TMEM120B: variants seen among roughly 807,000 people sequenced by gnomAD.
TMEM120B encodes the protein transmembrane protein 120B.
TMEM120B carries 31 observed loss-of-function variants against 55.5 expected under a neutral mutation model. The observed-to-expected ratio is 0.56, with a 90% confidence interval of 0.42 to 0.75. The LOEUF is 0.75. TMEM120B is among the 30% of genes least tolerant of loss of function. TMEM120B has a pLI of 0.00. For missense variants in TMEM120B, 399 were observed against 425.5 expected, an observed-to-expected ratio of 0.94 and a Z score of 0.55; for synonymous variants, 203 against 176.3, an observed-to-expected ratio of 1.15 and a Z score of -1.20.
chr12:121,715,788 G>GA (rs1894689627), intron 1 of TMEM120B, among the ~76,000 whole-genome samples: 1 of 152,008 alleles, frequency 6.6e-6, no homozygotes, highest in South Asian at 2.1e-4. Flanking sequence ...TGGGCATGCT[G>GA]ATTCCCTGGA....
chr12:121,757,776 A>G (rs1156906832), intron 5 of TMEM120B, among the ~76,000 whole-genome samples: 1 of 152,104 alleles, frequency 6.6e-6, no homozygotes. Flanking sequence ...TCGGCCTCCC[A>G]AAGTGTTGGG....
intron 1 of TMEM120B, among the ~76,000 whole-genome samples, chr12:121,723,762 A>G (rs1056025512): frequency 1.3e-5 from 2 of 152,106 alleles, no homozygotes; most frequent in Non-Finnish European, 2.9e-5. Context: ...ACCATGTAGG[A>G]GGGATCCATG....
intron 1 of TMEM120B, among the ~76,000 whole-genome samples, chr12:121,715,979 C>T (rs767913060): frequency 4.7e-5 from 7 of 149,892 alleles, no homozygotes; most frequent in South Asian, 4.3e-4. Context: ...TGCGTATGTG[C>T]TGGGCAGTTT....
chr12:121,769,576 C>T (rs543293109), intron 6 of TMEM120B, among the ~76,000 whole-genome samples: 35 of 152,016 alleles, frequency 2.3e-4, no homozygotes, highest in Non-Finnish European at 3.5e-4. Flanking sequence ...TGGTGGCGCA[C>T]GCCTGTGATC....
At chr12:121,745,460 G>A (rs951573811) in intron 2 of TMEM120B, among the ~76,000 whole-genome samples, 10 of 151,834 alleles carry the variant, frequency 6.6e-5, no homozygotes, top group Non-Finnish European at 2.9e-5. Context: ...GTGCAATCTC[G>A]GCTCACTGCA....
At chr12:121,771,163 T>C (rs946696716) in intron 7 of TMEM120B, among the ~76,000 whole-genome samples, 191 bp downstream of exon 7, 1 of 151,938 alleles carries the variant, frequency 6.6e-6, no homozygotes, top group African/African-American at 2.4e-5. Context: ...CTCCAGGGAA[T>C]GGTTTCGGGT....
rs749433185 is a variant in TMEM120B at position 121,781,228 on chromosome 12, C to A, written c.*5506C>A. The A allele has an allele frequency of 4.0e-5, 63 of 1,588,144 alleles. 2 individuals carry two copies. The Admixed American group carries it at 1.0e-3, about 26-fold the overall frequency. On this transcript the variant is annotated 3_prime_UTR_variant, in exon 12 of 12. Coordinates refer to ENST00000449592, the MANE Select transcript of TMEM120B (RefSeq NM_001080825.2). ...AGAGCAGCGGGGGTCAGGGGACGTC[C>A]CCTCCCTGTCTGGACTCTGACGGGT... is the stretch of plus-strand genomic sequence containing the variant.
intron 1 of TMEM120B, among the ~76,000 whole-genome samples, chr12:121,739,705 C>A (rs113095488): frequency 1.3e-5 from 2 of 151,342 alleles, no homozygotes; most frequent in Non-Finnish European, 2.9e-5. Context: ...CTCCTGGCCT[C>A]AAGTGATCCA....
intron 9 of TMEM120B, among the ~76,000 whole-genome samples, chr12:121,773,951 CTTTTTTTTTTTTTTTTTTT>C (rs560321014): frequency 1.0e-5 from 1 of 96,610 alleles, no homozygotes; most frequent in Non-Finnish European, 1.9e-5. Flanking sequence ...ACTCTGCTAT[CTTTTTTTTTTTTTTTTTTT>C]TTTTTGAGAC....
intron 1 of TMEM120B, among the ~76,000 whole-genome samples, chr12:121,741,758 G>A (rs1356787199): frequency 3.3e-5 from 5 of 151,870 alleles, no homozygotes; most frequent in South Asian, 2.1e-4. Flanking sequence ...TTAGCCTCCC[G>A]AGTAGCTGGG....
chr12:121,748,546 G>A, intron 3 of TMEM120B, 104 bp downstream of exon 3: 1 of 747,472 alleles, frequency 1.3e-6, no homozygotes, highest in Non-Finnish European at 2.2e-6. Flanking sequence ...AGATTGAAGG[G>A]GAAAGAGGGA....
At chr12:121,738,573 T>C (rs551573772) in intron 1 of TMEM120B, among the ~76,000 whole-genome samples, 7 of 152,284 alleles carry the variant, frequency 4.6e-5, no homozygotes, top group Admixed American at 2.0e-4. Context: ...CAGCAGGTAT[T>C]TGTTGGACAT....
At chr12:121,727,649 G>T (rs1010198542) in intron 1 of TMEM120B, among the ~76,000 whole-genome samples, 10 of 151,704 alleles carry the variant, frequency 6.6e-5, no homozygotes, top group African/African-American at 2.4e-4. Context: ...CGAGGCGGGC[G>T]GATCACGAGG....
intron 1 of TMEM120B, 91 bp downstream of exon 1, chr12:121,713,055 G>C: frequency 8.7e-7 from 1 of 1,148,738 alleles, no homozygotes; most frequent in Non-Finnish European, 1.2e-6. Context: ...GGTGGGGACA[G>C]TCAGGGCCTA....
chr12:121,761,689 T>C lies in TMEM120B; in HGVS notation c.502T>C (p.Tyr168His). The change falls in exon 6 of 12, where the codon TAC becomes CAC. Residue 168 changes from tyrosine to histidine, a missense_variant. Tyr to His is a moderately conservative substitution (Grantham distance 83, BLOSUM62 2). Around this residue, in one of 3 missense-constraint regions of TMEM120B, gnomAD observed 260 missense variants for 303.9 expected, o/e 0.86. Coordinates refer to ENST00000449592, the MANE Select transcript of TMEM120B (RefSeq NM_001080825.2). The stretch of plus-strand genomic sequence containing the variant: ...CTTCAACTTCCTGCTGGTGTGGTAT[T>C]ACTGCACCCTGACCATTCGGGAGAG... Reference protein sequence around the residue: ...EVFNFLLVWYYCTLTIRESIL... With the variant: ...EVFNFLLVWYHCTLTIRESIL... The C allele has an allele frequency of 6.2e-7, 1 of 1,614,012 alleles. No homozygotes were observed. Among genetic ancestry groups the C allele is most frequent in the Non-Finnish European group, 8.5e-7 (1 of 1,179,962 alleles).
intron 1 of TMEM120B, among the ~76,000 whole-genome samples, chr12:121,717,616 T>C (rs1398802173): frequency 6.6e-6 from 1 of 152,178 alleles, no homozygotes; most frequent in Non-Finnish European, 1.5e-5. Flanking sequence ...TGAGTACTCC[T>C]GTTAGCTTTT....
At position 121,781,508 on chromosome 12, in the gene TMEM120B, T is replaced by G; in HGVS notation, c.*5786T>G. ...CCCATGAGCGGCAGCCCCCCAGTCC[T>G]GGATGGTGGTAAAGAATCCTCAAGA... On this transcript the variant is annotated 3_prime_UTR_variant, in exon 12 of 12. Transcript: ENST00000449592. 3.1e-6 allele frequency: 1 copy of G among 318,612 alleles called. No homozygotes were observed. Among genetic ancestry groups the G allele is most frequent in the Non-Finnish European group, 6.0e-6 (1 of 165,544 alleles). The allele number at this position is 318,612 out of a possible 1,614,324, so 19.7% of individuals were successfully genotyped here. A position where few individuals can be genotyped will look rare whatever the true frequency, so the allele number is the denominator to read the frequency against.
chr12:121,746,537 TAGTC>T (rs779169936), intron 2 of TMEM120B, among the ~76,000 whole-genome samples: 1 of 152,106 alleles, frequency 6.6e-6, no homozygotes, highest in Non-Finnish European at 1.5e-5. Context: ...CTTGCTATGT[TAGTC>T]AGGCTGGTCT....
At position 121,771,118 on chromosome 12, in the gene TMEM120B, G is replaced by A. The variant is rs188387103; in HGVS notation, c.617+146G>A. 4.4e-5 allele frequency: 39 copies of A among 891,894 alleles called. No individual in the cohort carries two copies. The Admixed American group carries it at 4.5e-4, about 10-fold the overall frequency. 55.2% of individuals were successfully genotyped at this position (891,894 alleles called of 1,614,324 possible). ...GAAAGTATGAGCCTGCAGCTGCGCC[G>A]GGCTGCGCGGGCCCCACCCAGCCCG... is the stretch of plus-strand genomic sequence containing the variant. On this transcript the variant is annotated intron_variant, in intron 7 of 11. Coordinates refer to ENST00000449592, the MANE Select transcript of TMEM120B (RefSeq NM_001080825.2).
Sources: allele counts gnomAD v4.1 joint callset (sites outside exome capture counted in the v4.1 genomes callset), GRCh38; gene constraint gnomAD v4.1.1; regional missense constraint gnomAD v4.1.1; transcripts MANE v1.5; gene names NCBI Gene and HGNC (gene_info 2026-07-23, HGNC 2026-07-21).